PRELID2: variants seen among roughly 807,000 people sequenced by gnomAD.
PRELID2 encodes the protein PRELI domain-containing protein 2.
A neutral mutation model predicts 28.4 loss-of-function variants in PRELID2; 25 were observed. The ratio of observed to expected loss-of-function variants is 0.88; its 90% CI spans 0.64 to 1.23. The LOEUF is 1.23. Ranked by LOEUF, PRELID2 falls within the 50% of genes most tolerant of loss-of-function variation. The pLI, the probability that PRELID2 is intolerant of heterozygous loss-of-function variation, is 0.00. For missense variants in PRELID2, 201 were observed against 214.4 expected, an observed-to-expected ratio of 0.94 and a Z score of 0.39; for synonymous variants, 76 against 71.6, an observed-to-expected ratio of 1.06 and a Z score of -0.31.
chr5:145,739,467 T>A (rs1171512479), intron 1 of PRELID2, among the ~76,000 whole-genome samples: 1 of 152,070 alleles, frequency 6.6e-6, no homozygotes, highest in Admixed American at 6.6e-5. Flanking sequence ...ATTGCACCAC[T>A]GCACTCTAGC....
chr5:145,565,044 C>A (rs1478776503), intron 1 of PRELID2, among the ~76,000 whole-genome samples: 2 of 152,228 alleles, frequency 1.3e-5, no homozygotes, highest in Non-Finnish European at 1.5e-5. Flanking sequence ...GCAGAAATCA[C>A]CCGCCTTCTG....
At chr5:145,302,354 T>C in the PRELID2 span, among the ~76,000 whole-genome samples, 1 of 151,974 alleles carries the variant, frequency 6.6e-6, no homozygotes, top group Non-Finnish European at 1.5e-5. Flanking sequence ...CCCAGGATGC[T>C]TTCAAACTCC....
chr5:145,561,392 C>T (rs1752924295), intron 1 of PRELID2, among the ~76,000 whole-genome samples: 1 of 152,052 alleles, frequency 6.6e-6, no homozygotes. Flanking sequence ...CACATTACAT[C>T]CCCTAAGCAC....
the PRELID2 span, among the ~76,000 whole-genome samples, chr5:145,294,875 T>C: frequency 6.6e-6 from 1 of 152,118 alleles, no homozygotes; most frequent in Non-Finnish European, 1.5e-5. Flanking sequence ...AATGAGAATT[T>C]CCAGATGAAT....
chr5:145,711,891 G>C lies in PRELID2; in HGVS notation n.70+53040C>G, dbSNP rs142288479. 4.2e-3 allele frequency among the ~76,000 whole-genome samples: 644 copies of C among 152,336 alleles called. 2 individuals are homozygous for C. Among genetic ancestry groups the C allele is most frequent in the African/African-American group, 0.014 (570 of 41,566 alleles). ...CCAAGGAGAACGCCCCAGTGACCCAGTAAGTTGGCAGCCAGACTGCAAAGC... is the reference window on the plus strand; with the variant it reads ...CCAAGGAGAACGCCCCAGTGACCCACTAAGTTGGCAGCCAGACTGCAAAGC... On this transcript the variant is annotated intron_variant and non_coding_transcript_variant, in intron 1 of 2. Coordinates refer to the PRELID2 transcript ENST00000510259.
At chr5:145,553,968 G>T (rs969863251) in intron 1 of PRELID2, among the ~76,000 whole-genome samples, 1 of 152,150 alleles carries the variant, frequency 6.6e-6, no homozygotes, top group Non-Finnish European at 1.5e-5. Flanking sequence ...AAAGTTTCTG[G>T]TGGATGATAA....
At chr5:145,630,571 C>T (rs542458385) in intron 1 of PRELID2, among the ~76,000 whole-genome samples, 16 of 152,266 alleles carry the variant, frequency 1.1e-4, no homozygotes, top group Admixed American at 3.3e-4. Flanking sequence ...TTCCTTAAAA[C>T]GTGTTCTTCC....
the PRELID2 span, among the ~76,000 whole-genome samples, chr5:145,271,512 C>T: frequency 6.6e-6 from 1 of 152,076 alleles, no homozygotes; most frequent in Non-Finnish European, 1.5e-5. Context: ...CCATACTTGG[C>T]CCTATACCTA....
At chr5:145,536,885 C>T (rs767520555) in intron 1 of PRELID2, among the ~76,000 whole-genome samples, 26 of 151,800 alleles carry the variant, frequency 1.7e-4, no homozygotes, top group Admixed American at 3.3e-4. Flanking sequence ...GTCCTGAGCA[C>T]ATTCACAGGA....
At chr5:145,812,988 G>A (rs1754055289) in intron 4 of PRELID2, among the ~76,000 whole-genome samples, 1 of 152,208 alleles carries the variant, frequency 6.6e-6, no homozygotes, top group Non-Finnish European at 1.5e-5. Context: ...TCAGTGGGAA[G>A]CCAAAATCAG....
chr5:145,561,161 A>G (rs1490603235), intron 1 of PRELID2, among the ~76,000 whole-genome samples: 1 of 152,228 alleles, frequency 6.6e-6, no homozygotes, highest in Non-Finnish European at 1.5e-5. Flanking sequence ...CACAATCTGT[A>G]TATTTTTGTC....
chr5:145,491,232 A>G (rs1436120693), intron 1 of PRELID2, among the ~76,000 whole-genome samples: 1 of 152,088 alleles, frequency 6.6e-6, no homozygotes, highest in Non-Finnish European at 1.5e-5. Context: ...TCAAGGTGCA[A>G]ACAGATTTGG....
At chr5:145,827,742 C>A (rs778307147) in intron 1 of PRELID2, among the ~76,000 whole-genome samples, 6 of 152,098 alleles carry the variant, frequency 3.9e-5, no homozygotes, top group Non-Finnish European at 8.8e-5. Context: ...AAATAACTGC[C>A]CAGCACTCTT....
chr5:145,423,086 G>A, the PRELID2 span, among the ~76,000 whole-genome samples: 2,079 of 151,016 alleles, frequency 0.014, 42 homozygotes, highest in African/African-American at 0.048. Flanking sequence ...TGGCTTGTAG[G>A]GTTTCTGCCG....
intron 1 of PRELID2, among the ~76,000 whole-genome samples, chr5:145,496,595 T>C (rs1247809528): frequency 1.3e-5 from 2 of 152,130 alleles, no homozygotes; most frequent in East Asian, 3.9e-4. Context: ...TTGGGCATGG[T>C]CAAGGCTCCA....
At chr5:145,299,647 G>A in the PRELID2 span, among the ~76,000 whole-genome samples, 1 of 97,834 alleles carries the variant, frequency 1.0e-5, no homozygotes. Context: ...GTGTGTGCGT[G>A]TGTGTGTGTG....
chr5:145,593,652 C>A (rs1290265107), intron 1 of PRELID2, among the ~76,000 whole-genome samples: 3 of 152,108 alleles, frequency 2.0e-5, no homozygotes, highest in African/African-American at 7.2e-5. Flanking sequence ...ATAAATCCTG[C>A]CTTTACCACA....
chr5:145,500,774 A>G (rs1183442681), intron 1 of PRELID2, among the ~76,000 whole-genome samples: 1 of 152,174 alleles, frequency 6.6e-6, no homozygotes, highest in African/African-American at 2.4e-5. Context: ...TCCAAGAAGG[A>G]TGGCAACTAC....
intron 1 of PRELID2, among the ~76,000 whole-genome samples, chr5:145,603,488 C>T (rs1753428806): frequency 6.6e-6 from 1 of 151,850 alleles, no homozygotes; most frequent in African/African-American, 2.4e-5. Flanking sequence ...AACATGGAAG[C>T]AAAACAAAGA....
Sources: allele counts gnomAD v4.1 joint callset (sites outside exome capture counted in the v4.1 genomes callset), GRCh38; gene constraint gnomAD v4.1.1; transcripts MANE v1.5; gene names NCBI Gene and HGNC (gene_info 2026-07-23, HGNC 2026-07-21).